PHF20: variants seen among roughly 807,000 people sequenced by gnomAD.
The protein encoded by PHF20 is PHD finger protein 20.
In PHF20, 23 loss-of-function variants were observed where a neutral mutation model predicts 113.5. The observed-to-expected ratio is 0.20, with a 90% confidence interval of 0.15 to 0.29. The LOEUF (loss-of-function observed/expected upper bound fraction) is 0.29, where lower values mean the gene tolerates loss of function less well. Ranked by LOEUF, PHF20 falls within the 10% of genes least tolerant of loss-of-function variation. The probability of loss-of-function intolerance (pLI) is 1.00; values close to 1 mark genes in which losing one functional copy is unlikely to be tolerated. For synonymous variants in PHF20, 434 were observed against 457.3 expected (o/e 0.95, Z 0.65); for missense variants, 943 against 1,219.6 (o/e 0.77, Z 3.38).
chr20:35,925,204 G>A (rs759130556), intron 13 of PHF20, among the ~76,000 whole-genome samples: 2 of 143,730 alleles, frequency 1.4e-5, no homozygotes, highest in Non-Finnish European at 3.0e-5. Flanking sequence ...TTTCCCAGCT[G>A]TTAATTTTAG....
intron 9 of PHF20, among the ~76,000 whole-genome samples, chr20:35,895,907 G>T (rs916957371): frequency 6.6e-6 from 1 of 151,976 alleles, no homozygotes; most frequent in African/African-American, 2.4e-5. Context: ...GGCTGGTCTG[G>T]AATTCCCGAC....
chr20:35,894,963 T>C (rs1160700325), intron 9 of PHF20, among the ~76,000 whole-genome samples: 1 of 152,148 alleles, frequency 6.6e-6, no homozygotes, highest in Non-Finnish European at 1.5e-5. Flanking sequence ...CAAGTGATTC[T>C]CCTGCCTCGG....
intron 9 of PHF20, among the ~76,000 whole-genome samples, chr20:35,886,693 G>C (rs1291886541): frequency 6.6e-6 from 1 of 152,176 alleles, no homozygotes; most frequent in Non-Finnish European, 1.5e-5. Context: ...AAGTGCTGAT[G>C]ATGAGGTAGA....
At chr20:35,810,314 G>A (rs1046811927) in intron 2 of PHF20, among the ~76,000 whole-genome samples, 1 of 152,078 alleles carries the variant, frequency 6.6e-6, no homozygotes, top group Non-Finnish European at 1.5e-5. Context: ...CTTCCAGTTC[G>A]GCAAGGTTTC....
At chr20:35,897,559 CTTTTT>C (rs150122625) in intron 9 of PHF20, among the ~76,000 whole-genome samples, 1 of 107,684 alleles carries the variant, frequency 9.3e-6, no homozygotes, top group Non-Finnish European at 1.8e-5. Flanking sequence ...TTCTGGATCC[CTTTTT>C]TTTTTTTTTT....
At chr20:35,919,026 T>C (rs971287556) in intron 13 of PHF20, among the ~76,000 whole-genome samples, 26 of 152,184 alleles carry the variant, frequency 1.7e-4, no homozygotes, top group African/African-American at 2.4e-5. Context: ...GTTTTTTTTT[T>C]CTTTTTGAGA....
At chr20:35,882,338 A>T (rs148524193) in intron 9 of PHF20, among the ~76,000 whole-genome samples, 4 of 152,308 alleles carry the variant, frequency 2.6e-5, no homozygotes, top group Admixed American at 2.6e-4. Flanking sequence ...GTTCAAGCAC[A>T]CTTTTATTGA....
At chr20:35,903,086 T>C (rs1179532564) in intron 10 of PHF20, among the ~76,000 whole-genome samples, 2 of 147,994 alleles carry the variant, frequency 1.4e-5, no homozygotes, top group South Asian at 2.1e-4. Flanking sequence ...TCTTTTTTTT[T>C]TTTTTTTTTG....
intron 2 of PHF20, among the ~76,000 whole-genome samples, chr20:35,809,112 G>A (rs1420193251): frequency 6.6e-6 from 1 of 151,686 alleles, no homozygotes; most frequent in East Asian, 2.0e-4. Flanking sequence ...GGGTGTGGTG[G>A]CACATGCCTA....
chr20:35,790,949 C>A (rs907260953), intron 1 of PHF20, among the ~76,000 whole-genome samples: 1 of 152,080 alleles, frequency 6.6e-6, no homozygotes, highest in African/African-American at 2.4e-5. Flanking sequence ...ACCTCCACCT[C>A]CTGGGTTCGA....
chr20:35,842,220 C>T (rs1239444447), intron 2 of PHF20, among the ~76,000 whole-genome samples: 1 of 152,118 alleles, frequency 6.6e-6, no homozygotes, highest in Non-Finnish European at 1.5e-5. Flanking sequence ...GTGGCGGGCG[C>T]TGTAATCCCC....
intron 1 of PHF20, among the ~76,000 whole-genome samples, chr20:35,799,095 G>A (rs1245465941): frequency 6.6e-6 from 1 of 151,972 alleles, no homozygotes; most frequent in Non-Finnish European, 1.5e-5. Context: ...AAGTGTTCTG[G>A]TAGGAGGCAG....
intron 1 of PHF20, among the ~76,000 whole-genome samples, chr20:35,787,132 C>T (rs990749849): frequency 2.6e-5 from 4 of 151,050 alleles, no homozygotes; most frequent in African/African-American, 9.7e-5. Context: ...GCTAGGACGA[C>T]AGGTGTGTGT....
Position 35,947,693 on chromosome 20 carries a change from T to A in PHF20, c.*66T>A. 6.6e-7 allele frequency: 1 copy of A among 1,506,664 alleles called. No individual in the cohort carries two copies. The highest frequency in any genetic ancestry group is 9.1e-7 in the Non-Finnish European group (1 of 1,093,682). The allele number at this position is 1,506,664 out of a possible 1,614,324, so 93.3% of individuals were successfully genotyped here. ...ACCTGCAGGAGGAGCTTCGCATATTTAAATAAATAAACCTAGCATGCTGAA... is the reference window on the plus strand; with the variant it reads ...ACCTGCAGGAGGAGCTTCGCATATTAAAATAAATAAACCTAGCATGCTGAA... On this transcript the variant is annotated 3_prime_UTR_variant, in exon 18 of 18. Coordinates refer to ENST00000374012, the MANE Select transcript of PHF20 (RefSeq NM_016436.5).
In PHF20 at chr20:35,890,047, GA is replaced by G. The variant is rs199975032; in HGVS notation, c.1283-9322del. On this transcript the variant is annotated intron_variant, in intron 9 of 17. Transcript: ENST00000374012. ...CCTGGCCCTATTTATTTATTTTTGA[GA>G]CAGTTCTGTCTCACTGTTGCCCAAG... is the stretch of plus-strand genomic sequence containing the variant. 1.1e-3 allele frequency among the ~76,000 whole-genome samples: 168 copies of G among 149,406 alleles called. 1 individual carries two copies. In the East Asian group the frequency reaches 0.024, roughly 22 times the overall value.
intron 2 of PHF20, among the ~76,000 whole-genome samples, chr20:35,826,765 G>A (rs1234650385): frequency 6.6e-6 from 1 of 152,160 alleles, no homozygotes; most frequent in Non-Finnish European, 1.5e-5. Flanking sequence ...GAGTGGCTCT[G>A]TATCAGGCAT....
chr20:35,825,173 A>G (rs898235698), intron 2 of PHF20, among the ~76,000 whole-genome samples: 4 of 152,182 alleles, frequency 2.6e-5, no homozygotes, highest in African/African-American at 9.7e-5. Context: ...CACTCCCACC[A>G]GCAATGGGAA....
chr20:35,781,998 T>C (rs969574480), intron 1 of PHF20, among the ~76,000 whole-genome samples: 3 of 152,140 alleles, frequency 2.0e-5, no homozygotes, highest in Non-Finnish European at 4.4e-5. Context: ...GACTCCCTCT[T>C]TCATGAACCT....
intron 1 of PHF20, among the ~76,000 whole-genome samples, chr20:35,779,633 C>T (rs1029250860): frequency 5.3e-5 from 8 of 152,060 alleles, no homozygotes; most frequent in Non-Finnish European, 1.0e-4. Flanking sequence ...AATTCTCCTG[C>T]CTCAGCCTCC....
Sources: gnomAD v4.1 joint callset for allele counts (sites outside exome capture counted in the v4.1 genomes callset) on GRCh38, gnomAD v4.1.1 for gene constraint, MANE v1.5 for transcripts, NCBI Gene and HGNC (gene_info 2026-07-23, HGNC 2026-07-21) for gene names.